The following SPHKAP variants were observed in gnomAD, a reference collection of about 807,000 sequenced individuals.
SPHKAP encodes SPHK1 interactor, AKAP domain containing, also known as A-kinase anchor protein SPHKAP.
SPHKAP carries 67 observed loss-of-function variants against 137.5 expected under a neutral mutation model. The observed-to-expected ratio is 0.49, with a 90% CI of 0.40 to 0.60. The LOEUF (loss-of-function observed/expected upper bound fraction) is 0.60, where lower values mean the gene tolerates loss of function less well. Among genes scored for constraint, SPHKAP ranks in the 20% least tolerant of loss-of-function variants. The pLI, the probability that SPHKAP is intolerant of heterozygous loss-of-function variation, is 0.00. For missense variants in SPHKAP, 2,097 were observed against 2,069.3 expected (o/e 1.01, Z -0.26); for synonymous variants, 813 against 785.3 (o/e 1.04, Z -0.59).
chr2:227,992,359 T>A (rs889771366), intron 9 of SPHKAP, among the ~76,000 whole-genome samples: 3 of 152,216 alleles, frequency 2.0e-5, no homozygotes, highest in Non-Finnish European at 4.4e-5. Flanking sequence ...TAGATCTCTA[T>A]GCAAGTGACA....
intron 3 of SPHKAP, among the ~76,000 whole-genome samples, chr2:228,031,228 C>A (rs186386047): frequency 3.4e-4 from 52 of 152,304 alleles, no homozygotes; most frequent in East Asian, 5.8e-4. Context: ...TATCCCGCAC[C>A]TGGCTCAGAG....
In SPHKAP at chr2:228,020,114, T is replaced by C; in HGVS notation, c.740A>G (p.Lys247Arg). Residue 247 changes from lysine (K) to arginine (R), a missense_variant, in exon 7 of 12, where the codon AAA (lysine) becomes AGA (arginine). Transcript: ENST00000392056. ...CACCTGGGTGGCTCCCTTTAGCTGTTTACTTTCCAAAACATTGGCTGAGAC... is the reference window on the plus strand; with the variant it reads ...CACCTGGGTGGCTCCCTTTAGCTGTCTACTTTCCAAAACATTGGCTGAGAC... ...INVSANVLESKQLKGATQVEW... is the reference protein window; with the variant it reads ...INVSANVLESRQLKGATQVEW... 1 of 1,611,652 alleles carries C rather than the reference T, an allele frequency of 6.2e-7. No homozygotes were observed. The highest frequency in any genetic ancestry group is 8.5e-7 in the Non-Finnish European group (1 of 1,179,386).
At chr2:228,084,442 A>T (rs1270611035) in intron 3 of SPHKAP, among the ~76,000 whole-genome samples, 3 of 152,174 alleles carry the variant, frequency 2.0e-5, no homozygotes, top group African/African-American at 7.2e-5. Context: ...AAATAGATCC[A>T]TTCACTTCAT....
intron 3 of SPHKAP, among the ~76,000 whole-genome samples, chr2:228,055,251 T>C (rs62201071): frequency 0.38 from 58,167 of 151,650 alleles, 11,430 homozygotes; most frequent in Non-Finnish European, 0.45. Flanking sequence ...AATGACCATG[T>C]CAATGAGGAG....
At chr2:228,166,429 T>C (rs1700424693) in intron 1 of SPHKAP, among the ~76,000 whole-genome samples, 2 of 152,226 alleles carry the variant, frequency 1.3e-5, no homozygotes, top group South Asian at 2.1e-4. Context: ...CCAAGTTTTA[T>C]GCGCCCACAC....
chr2:228,047,909 T>C (rs1696123175), intron 3 of SPHKAP, among the ~76,000 whole-genome samples: 1 of 152,136 alleles, frequency 6.6e-6, no homozygotes, highest in Non-Finnish European at 1.5e-5. Flanking sequence ...AAAGACCAGC[T>C]GGGGTTTTGA....
At chr2:228,150,356 A>G (rs146826555) in intron 1 of SPHKAP, among the ~76,000 whole-genome samples, 53 of 152,252 alleles carry the variant, frequency 3.5e-4, no homozygotes, top group African/African-American at 1.0e-3. Context: ...TATTGGAATT[A>G]CCTATTTATC....
In SPHKAP at chr2:228,173,785, T is replaced by C. The variant is rs114605594; in HGVS notation, c.32+7782A>G. Among the ~76,000 whole-genome samples the C allele has an allele frequency of 2.7e-3, 405 of 152,306 alleles. 1 individual carries two copies. Among genetic ancestry groups the C allele is most frequent in the African/African-American group, 9.4e-3 (391 of 41,560 alleles). On this transcript the variant is annotated intron_variant, in intron 1 of 11. Transcript: ENST00000392056. ...TTAAGCCACTCATTTTCTGACAATT[T>C]TAAAAAGCAGCAATAGAAAAGCAAT...
In SPHKAP at chr2:228,077,212, G is replaced by C. The variant is rs1005568819; in HGVS notation, c.246+31620C>G. On this transcript the variant is annotated intron_variant, in intron 3 of 11. Transcript: ENST00000392056. ...GAACCTCTGCTAGGGCAGTGTGGAA[G>C]AGAAATGTGGGGTCAGAGCCTCCCC... is the stretch of plus-strand genomic sequence containing the variant. Among the ~76,000 whole-genome samples, 4 of 152,208 alleles carry C rather than the reference G, an allele frequency of 2.6e-5. 1 individual carries two copies. Among genetic ancestry groups the C allele is most frequent in the African/African-American group, 9.7e-5 (4 of 41,448 alleles).
intron 2 of SPHKAP, among the ~76,000 whole-genome samples, chr2:228,112,808 A>G (rs1698560768): frequency 6.6e-6 from 1 of 152,172 alleles, no homozygotes; most frequent in Non-Finnish European, 1.5e-5. Context: ...AACCTATTTT[A>G]AAAATAAATA....
chr2:228,077,139 G>A (rs1312630690), intron 3 of SPHKAP, among the ~76,000 whole-genome samples: 1 of 152,170 alleles, frequency 6.6e-6, no homozygotes, highest in African/African-American at 2.4e-5. Context: ...GGGAACCTCC[G>A]CTTAGATTTC....
At chr2:228,062,436 A>T (rs1284353194) in intron 3 of SPHKAP, among the ~76,000 whole-genome samples, 1 of 151,828 alleles carries the variant, frequency 6.6e-6, no homozygotes, top group Non-Finnish European at 1.5e-5. Flanking sequence ...GCCTCCCCAG[A>T]CCTCTTTAAT....
In SPHKAP at chr2:228,021,914, G is replaced by A; in HGVS notation, c.494C>T (p.Pro165Leu). 6.2e-7 allele frequency: 1 copy of A among 1,613,922 alleles called. No homozygotes were observed. Among genetic ancestry groups the A allele is most frequent in the Non-Finnish European group, 8.5e-7 (1 of 1,179,930 alleles). ...AAAGATGATGCAGTTGGTACTGTTTGGTCTGTTCCCTCTTGCACATTGGAC... is the reference window on the plus strand; with the variant it reads ...AAAGATGATGCAGTTGGTACTGTTTAGTCTGTTCCCTCTTGCACATTGGAC... ...CLVQCARGNR[P>L]NSTNCIIFEI... Residue 165 changes from proline (P) to leucine (L), a missense_variant, in exon 6 of 12, where the codon CCA becomes CTA. Physicochemically the swap from Pro to Leu is moderately conservative, Grantham distance 98. Coordinates refer to ENST00000392056, the MANE Select transcript of SPHKAP (RefSeq NM_001142644.2).
intron 1 of SPHKAP, among the ~76,000 whole-genome samples, chr2:228,146,109 A>T: frequency 6.6e-6 from 1 of 152,016 alleles, no homozygotes; most frequent in Non-Finnish European, 1.5e-5. Context: ...AACTATGTTT[A>T]GAGCAATTTT....
intron 9 of SPHKAP, among the ~76,000 whole-genome samples, chr2:227,993,327 C>T (rs1047547527): frequency 6.6e-6 from 1 of 152,116 alleles, no homozygotes; most frequent in Non-Finnish European, 1.5e-5. Context: ...ATGATTATTT[C>T]ACAGGGGGCA....
intron 1 of SPHKAP, among the ~76,000 whole-genome samples, chr2:228,167,942 A>G (rs973398404): frequency 3.9e-5 from 6 of 152,190 alleles, no homozygotes; most frequent in Admixed American, 1.3e-4. Context: ...ACTGAAAAAG[A>G]CATGCTCATA....
chr2:228,126,506 G>A (rs944261964), intron 2 of SPHKAP, among the ~76,000 whole-genome samples: 1 of 152,176 alleles, frequency 6.6e-6, no homozygotes, highest in East Asian at 1.9e-4. Context: ...AAACCTCAGT[G>A]TGAATTTATC....
chr2:228,050,665 T>A (rs912355818), intron 3 of SPHKAP, among the ~76,000 whole-genome samples: 2 of 152,196 alleles, frequency 1.3e-5, no homozygotes, highest in African/African-American at 4.8e-5. Context: ...CCTCTAGCGA[T>A]TTTGAAGTGT....
In SPHKAP at chr2:228,116,674, T is replaced by C. The variant is rs1415046673; in HGVS notation, c.139-7735A>G. Among the ~76,000 whole-genome samples the C allele has an allele frequency of 2.0e-5, 3 of 152,162 alleles. No individual in the cohort carries two copies. The East Asian group carries it at 5.8e-4, about 29-fold the overall frequency. On this transcript the variant is annotated intron_variant, in intron 2 of 11. Transcript: ENST00000392056. Reference sequence around the variant, plus strand: ...CAAGACAGAGGGACAATATTTGCTGTGGGTGAGCCCAAAGTTTTATGGGCT... The same window carrying C: ...CAAGACAGAGGGACAATATTTGCTGCGGGTGAGCCCAAAGTTTTATGGGCT...
Sources: gnomAD v4.1 joint callset for allele counts (sites outside exome capture counted in the v4.1 genomes callset) on GRCh38, gnomAD v4.1.1 for gene constraint, MANE v1.5 for transcripts, NCBI Gene and HGNC (gene_info 2026-07-23, HGNC 2026-07-21) for gene names.